Variants in PPARGC1A observed in about 807,000 individuals in gnomAD.
PPARGC1A encodes the protein PPARG coactivator 1 alpha, also known as peroxisome proliferator-activated receptor gamma coactivator 1-alpha.
PPARGC1A carries 25 observed loss-of-function variants against 88.7 expected under a neutral mutation model. That is an observed-to-expected ratio of 0.28 (90% confidence interval 0.21 to 0.39). The LOEUF is 0.39. PPARGC1A is among the 10% of genes least tolerant of loss of function. The probability of loss-of-function intolerance (pLI) is 1.00; values close to 1 mark genes in which losing one functional copy is unlikely to be tolerated. For missense variants in PPARGC1A, 880 were observed against 968.7 expected (o/e 0.91, Z 1.22); for synonymous variants, 363 against 355.6 (o/e 1.02, Z -0.24).
intron 7 of PPARGC1A, among the ~76,000 whole-genome samples, chr4:23,818,811 C>T (rs1368655107): frequency 3.1e-4 from 26 of 85,182 alleles, no homozygotes; most frequent in Admixed American, 2.7e-3. Flanking sequence ...GGCTCTGTTT[C>T]TTGTGATGTG....
the PPARGC1A span, among the ~76,000 whole-genome samples, chr4:24,379,079 A>C: frequency 6.6e-6 from 1 of 152,212 alleles, no homozygotes; most frequent in Non-Finnish European, 1.5e-5. Context: ...TATCAAGAAA[A>C]AGGTTATTCA....
the PPARGC1A span, among the ~76,000 whole-genome samples, chr4:24,171,468 T>G: frequency 6.6e-6 from 1 of 152,234 alleles, no homozygotes; most frequent in East Asian, 1.9e-4. Flanking sequence ...CACTGCTTAA[T>G]TTTTTTCTAC....
chr4:23,913,095 G>A, the PPARGC1A span, among the ~76,000 whole-genome samples: 10 of 149,240 alleles, frequency 6.7e-5, no homozygotes, highest in East Asian at 3.9e-4. Flanking sequence ...GTGAGCCACC[G>A]CACCTGGCCA....
the PPARGC1A span, among the ~76,000 whole-genome samples, chr4:24,392,351 C>T: frequency 6.6e-6 from 1 of 152,164 alleles, no homozygotes. Flanking sequence ...TTGATTGCAC[C>T]TCAGTGCAGT....
intron 2 of PPARGC1A, among the ~76,000 whole-genome samples, chr4:23,866,814 T>G (rs1712101937): frequency 6.6e-6 from 1 of 152,192 alleles, no homozygotes; most frequent in Non-Finnish European, 1.5e-5. Context: ...TTAATTCATT[T>G]CTGATTCTAT....
chr4:24,445,450 G>A, the PPARGC1A span, among the ~76,000 whole-genome samples: 4 of 152,098 alleles, frequency 2.6e-5, no homozygotes, highest in Non-Finnish European at 2.9e-5. Flanking sequence ...TACTGGATTC[G>A]TATATTTTAC....
chr4:23,958,047 C>A, the PPARGC1A span, among the ~76,000 whole-genome samples: 1 of 151,988 alleles, frequency 6.6e-6, no homozygotes. Context: ...AATAGGAAAA[C>A]TGGAGAGAGA....
Position 23,884,904 on chromosome 4 carries a change from G to T in PPARGC1A, c.82C>A (p.Pro28Thr). 1 of 1,613,466 alleles carries T rather than the reference G, an allele frequency of 6.2e-7. No individual in the cohort carries two copies. The highest frequency in any genetic ancestry group is 8.5e-7 in the Non-Finnish European group (1 of 1,179,664). The change falls in exon 2 of 13, where the codon CCT becomes ACT. Residue 28 changes from proline to threonine, a missense_variant. By Grantham distance (38) the Pro-to-Thr change is conservative. Coordinates refer to ENST00000264867, the MANE Select transcript of PPARGC1A (RefSeq NM_013261.5). ...ECAALVGEDQPLCPDLPELDL... is the reference protein window; with the variant it reads ...ECAALVGEDQTLCPDLPELDL... ...AGTTCAGGAAGATCTGGGCAAAGAG[G>T]CTGGTCTTCACCAACCAGAGCAGCA...
chr4:23,898,594 A>G (rs946938957), intron 1 of PPARGC1A, among the ~76,000 whole-genome samples: 9 of 152,174 alleles, frequency 5.9e-5, no homozygotes, highest in Non-Finnish European at 1.2e-4. Context: ...TTACATTCAC[A>G]TTTTCCTGCA....
At chr4:24,113,840 G>C in the PPARGC1A span, among the ~76,000 whole-genome samples, 17 of 152,094 alleles carry the variant, frequency 1.1e-4, no homozygotes, top group African/African-American at 4.1e-4. Flanking sequence ...ATAGAGAAGA[G>C]GGGCTGGGTA....
At chr4:23,890,208 G>C, upstream of PPARGC1A, 1 of 467,472 alleles carries the variant, frequency 2.1e-6, no homozygotes, top group Middle Eastern at 4.7e-4. Flanking sequence ...CTTCAGTGAA[G>C]TAACGCTTTA....
chr4:23,797,797 G>A (rs61497053), intron 12 of PPARGC1A, among the ~76,000 whole-genome samples: 5 of 152,126 alleles, frequency 3.3e-5, no homozygotes, highest in South Asian at 2.1e-4. Flanking sequence ...TTTCTCTCCC[G>A]CTAATGAAAG....
At chr4:24,149,648 T>A in the PPARGC1A span, among the ~76,000 whole-genome samples, 1 of 152,182 alleles carries the variant, frequency 6.6e-6, no homozygotes, top group East Asian at 1.9e-4. Context: ...TCTCTTCTAA[T>A]GGTCCAATAG....
At chr4:24,124,592 C>G in the PPARGC1A span, among the ~76,000 whole-genome samples, 2 of 152,070 alleles carry the variant, frequency 1.3e-5, no homozygotes, top group African/African-American at 4.8e-5. Flanking sequence ...CTCTGGAAAG[C>G]AGGGGAGAGG....
At chr4:23,871,448 A>T (rs1298989564) in intron 2 of PPARGC1A, among the ~76,000 whole-genome samples, 1 of 152,242 alleles carries the variant, frequency 6.6e-6, no homozygotes, top group African/African-American at 2.4e-5. Flanking sequence ...GCTGTGTTCA[A>T]ACTTTCAGGC....
the PPARGC1A span, among the ~76,000 whole-genome samples, chr4:24,146,783 C>T: frequency 6.6e-6 from 1 of 152,218 alleles, no homozygotes; most frequent in African/African-American, 2.4e-5. Context: ...TGACAGTGTC[C>T]TCTCATTGGA....
chr4:24,146,027 G>T, the PPARGC1A span, among the ~76,000 whole-genome samples: 1 of 152,172 alleles, frequency 6.6e-6, no homozygotes, highest in Admixed American at 6.5e-5. Flanking sequence ...AAGGCCAAAT[G>T]AGTTTGAGAA....
the PPARGC1A span, among the ~76,000 whole-genome samples, chr4:24,034,546 A>G: frequency 6.6e-6 from 1 of 152,204 alleles, no homozygotes; most frequent in African/African-American, 2.4e-5. Flanking sequence ...TCACAGGAGA[A>G]ATAATACTTT....
the PPARGC1A span, among the ~76,000 whole-genome samples, chr4:24,249,916 T>C: frequency 6.6e-6 from 1 of 152,158 alleles, no homozygotes; most frequent in Non-Finnish European, 1.5e-5. Flanking sequence ...CCTTAAACCA[T>C]AATCTACATA....
Sources: allele counts gnomAD v4.1 joint callset (sites outside exome capture counted in the v4.1 genomes callset), GRCh38; gene constraint gnomAD v4.1.1; transcripts MANE v1.5; gene names NCBI Gene and HGNC (gene_info 2026-07-23, HGNC 2026-07-21).